The following ARHGAP32 variants were observed in gnomAD, a reference collection of about 807,000 sequenced individuals.
The protein encoded by ARHGAP32 is Rho GTPase activating protein 32.
A neutral mutation model predicts 186.5 loss-of-function variants in ARHGAP32; 51 were observed. That is an observed-to-expected ratio of 0.27 (90% CI 0.22 to 0.35). The LOEUF is 0.35. ARHGAP32 is among the 10% of genes least tolerant of loss of function. The pLI, the probability that ARHGAP32 is intolerant of heterozygous loss-of-function variation, is 1.00. For synonymous variants in ARHGAP32, 950 were observed against 964.3 expected, an observed-to-expected ratio of 0.99 and a Z score of 0.27; for missense variants, 2,186 against 2,623.5, an observed-to-expected ratio of 0.83 and a Z score of 3.64.
chr11:129,074,742 T>G (rs1029885220), intron 6 of ARHGAP32, among the ~76,000 whole-genome samples: 1 of 152,190 alleles, frequency 6.6e-6, no homozygotes, highest in Non-Finnish European at 1.5e-5. Context: ...TCCGCTCGCC[T>G]TGGCCTCCCA....
chr11:129,048,358 G>A (rs1939898287), intron 10 of ARHGAP32, among the ~76,000 whole-genome samples: 1 of 152,156 alleles, frequency 6.6e-6, no homozygotes, highest in Non-Finnish European at 1.5e-5. Flanking sequence ...AACGTCAGAG[G>A]TCTAGTAGAG....
chr11:129,102,747 T>C (rs1941937330), intron 5 of ARHGAP32, among the ~76,000 whole-genome samples: 1 of 152,154 alleles, frequency 6.6e-6, no homozygotes, highest in Non-Finnish European at 1.5e-5. Context: ...CTAAAACCCT[T>C]GTACATTGTT....
At chr11:128,988,472 C>A (rs1945944637) in intron 12 of ARHGAP32, among the ~76,000 whole-genome samples, 1 of 152,174 alleles carries the variant, frequency 6.6e-6, no homozygotes, top group African/African-American at 2.4e-5. Context: ...AGTCCTAACA[C>A]CATGCCAGAT....
intron 1 of ARHGAP32, among the ~76,000 whole-genome samples, chr11:129,221,951 G>C (rs1181690663): frequency 1.3e-5 from 2 of 151,998 alleles, no homozygotes; most frequent in African/African-American, 4.8e-5. Context: ...ACCTCACTGA[G>C]TCACTGGCCC....
At chr11:128,971,234 C>T in intron 22 of ARHGAP32, 75 bp from the exon 23 acceptor site, 1 of 1,322,004 alleles carries the variant, frequency 7.6e-7, no homozygotes, top group Non-Finnish European at 1.0e-6. Context: ...ATTTGTAACT[C>T]ACAAATTAAG....
chr11:128,996,799 G>C (rs4609615), intron 12 of ARHGAP32, among the ~76,000 whole-genome samples: 7 of 150,790 alleles, frequency 4.6e-5, no homozygotes, highest in Admixed American at 1.3e-4. Context: ...TTTTTTTTTT[G>C]GAGACAAGGT....
intron 10 of ARHGAP32, among the ~76,000 whole-genome samples, chr11:129,043,046 A>T (rs569691863): frequency 6.6e-6 from 1 of 152,326 alleles, no homozygotes; most frequent in South Asian, 2.1e-4. Flanking sequence ...GGCTGGGAAG[A>T]TACAACTATT....
intron 1 of ARHGAP32, among the ~76,000 whole-genome samples, chr11:129,241,427 G>C (rs1015524586): frequency 6.6e-6 from 1 of 152,106 alleles, no homozygotes; most frequent in Non-Finnish European, 1.5e-5. Flanking sequence ...AGAATCACTC[G>C]AGCCCAAGAA....
chr11:129,270,043 TAA>T (rs1165224396), intron 1 of ARHGAP32, among the ~76,000 whole-genome samples: 2 of 143,246 alleles, frequency 1.4e-5, no homozygotes, highest in Non-Finnish European at 3.1e-5. Context: ...ACTTACTTAT[TAA>T]AAAAAAAAAA....
chr11:128,998,011 A>G (rs925118901), intron 12 of ARHGAP32, among the ~76,000 whole-genome samples: 2 of 152,200 alleles, frequency 1.3e-5, no homozygotes, highest in African/African-American at 4.8e-5. Flanking sequence ...TGGGTGGCAA[A>G]ACTGGCTGAA....
intron 1 of ARHGAP32, among the ~76,000 whole-genome samples, chr11:129,247,542 T>C (rs999168807): frequency 1.3e-5 from 2 of 152,204 alleles, no homozygotes; most frequent in African/African-American, 4.8e-5. Context: ...AAGAAATTTA[T>C]CTTAAAAATA....
chr11:129,059,178 G>A (rs1312010455), intron 10 of ARHGAP32, among the ~76,000 whole-genome samples: 1 of 152,202 alleles, frequency 6.6e-6, no homozygotes, highest in East Asian at 1.9e-4. Flanking sequence ...CAGGCAATGA[G>A]ATGGAGCAGA....
rs996301299 is a variant in ARHGAP32, at chr11:129,259,158, A to T, written c.-5+19988T>A. ...TGGTACATTAACTTCAAATATAAAC[A>T]TCTTCATAATTTATTAATCATGTGT... On this transcript the variant is annotated intron_variant, in intron 1 of 6. Transcript: ENST00000525234. Among the ~76,000 whole-genome samples the T allele has an allele frequency of 2.0e-5, 3 of 152,220 alleles. No homozygotes were observed. The East Asian group carries it at 5.8e-4, about 29-fold the overall frequency.
intron 11 of ARHGAP32, chr11:129,024,170 T>G (rs1938729820): frequency 1.0e-6 from 1 of 985,250 alleles, no homozygotes; most frequent in Admixed American, 6.2e-5. Context: ...AGCTTAATCC[T>G]CCTCTCTCAG....
At chr11:129,113,326 T>C (rs940360106) in intron 5 of ARHGAP32, among the ~76,000 whole-genome samples, 1 of 152,156 alleles carries the variant, frequency 6.6e-6, no homozygotes, top group African/African-American at 2.4e-5. Context: ...TACAAAATTA[T>C]TACAGTAGTA....
chr11:129,225,718 C>T (rs185189960), intron 1 of ARHGAP32, among the ~76,000 whole-genome samples: 10 of 152,094 alleles, frequency 6.6e-5, no homozygotes, highest in South Asian at 2.1e-4. Flanking sequence ...TTACAAGACA[C>T]GCCAAGAAAT....
At chr11:129,134,964 A>T (rs1942902464) in intron 2 of ARHGAP32, among the ~76,000 whole-genome samples, 1 of 152,210 alleles carries the variant, frequency 6.6e-6, no homozygotes, top group African/African-American at 2.4e-5. Context: ...TAAATTACCA[A>T]GTCTAAGGTA....
In ARHGAP32 at chr11:129,064,829, A is replaced by G. The variant is rs1591582343; in HGVS notation, c.762+12T>C. 1 of 1,564,484 alleles carries G rather than the reference A, an allele frequency of 6.4e-7. No individual in the cohort carries two copies. The highest frequency in any genetic ancestry group is 8.7e-7 in the Non-Finnish European group (1 of 1,153,090). On this transcript the variant is annotated intron_variant, in intron 8 of 22. Coordinates refer to ENST00000682385, the MANE Select transcript of ARHGAP32 (RefSeq NM_001378024.1). The stretch of plus-strand genomic sequence containing the variant: ...AATATACATTTTTCATGAAAAGTGA[A>G]TTAGGAAATACCTCCATCCAGGTAA...
chr11:129,038,556 G>C (rs1250252714), intron 11 of ARHGAP32, among the ~76,000 whole-genome samples: 1 of 151,680 alleles, frequency 6.6e-6, no homozygotes. Flanking sequence ...ATTATTATCT[G>C]GTAAAGAATT....
Sources: gnomAD v4.1 joint callset for allele counts (sites outside exome capture counted in the v4.1 genomes callset) on GRCh38, gnomAD v4.1.1 for gene constraint, MANE v1.5 for transcripts, NCBI Gene and HGNC (gene_info 2026-07-23, HGNC 2026-07-21) for gene names.